The following MLLT10 variants were observed in gnomAD, a reference collection of about 807,000 sequenced individuals.
The protein encoded by MLLT10 is protein AF-10.
Under a neutral mutation model 129.1 loss-of-function variants are expected in MLLT10, and 30 were observed. The ratio of observed to expected loss-of-function variants is 0.23; its 90% CI spans 0.17 to 0.32. The LOEUF is 0.32. Among genes scored for constraint, MLLT10 ranks in the 10% least tolerant of loss-of-function variants. The pLI is 1.00. For synonymous variants in MLLT10, 490 were observed against 446.4 expected, an observed-to-expected ratio of 1.10 and a Z score of -1.23; for missense variants, 1,119 against 1,268.3, an observed-to-expected ratio of 0.88 and a Z score of 1.79.
At chr10:21,612,735 G>A (rs2044779888) in intron 6 of MLLT10, among the ~76,000 whole-genome samples, 1 of 152,112 alleles carries the variant, frequency 6.6e-6, no homozygotes, top group Non-Finnish European at 1.5e-5. Context: ...CCTTCGATTT[G>A]TTATTATGAT....
At chr10:21,731,675 TATC>T (rs1164847311) in intron 17 of MLLT10, among the ~76,000 whole-genome samples, 6 of 152,222 alleles carry the variant, frequency 3.9e-5, no homozygotes, top group Non-Finnish European at 8.8e-5. Context: ...ATATTATGCT[TATC>T]ATCTATTGGA....
chr10:21,679,589 A>G (rs1376748082), intron 11 of MLLT10, among the ~76,000 whole-genome samples: 1 of 152,202 alleles, frequency 6.6e-6, no homozygotes, highest in Non-Finnish European at 1.5e-5. Context: ...CTTAGGTTCC[A>G]GTAATGGAAC....
intron 11 of MLLT10, among the ~76,000 whole-genome samples, chr10:21,675,164 A>T (rs1351949793): frequency 6.6e-6 from 1 of 152,228 alleles, no homozygotes; most frequent in Non-Finnish European, 1.5e-5. Context: ...TTGAAAGGTG[A>T]AATAAGATAC....
chr10:21,537,730 A>G (rs571986906), intron 2 of MLLT10, among the ~76,000 whole-genome samples: 1 of 152,248 alleles, frequency 6.6e-6, no homozygotes, highest in Admixed American at 6.5e-5. Flanking sequence ...CGGCCTGCCA[A>G]AGTGCTGGGA....
intron 14 of MLLT10, among the ~76,000 whole-genome samples, chr10:21,725,746 A>G (rs1156554820): frequency 7.0e-6 from 1 of 143,268 alleles, no homozygotes; most frequent in Non-Finnish European, 1.5e-5. Flanking sequence ...AATTGTAGTT[A>G]CGTAACTTTT....
intron 9 of MLLT10, among the ~76,000 whole-genome samples, chr10:21,653,398 A>G (rs1043935663): frequency 2.0e-5 from 3 of 152,160 alleles, no homozygotes; most frequent in Non-Finnish European, 2.9e-5. Flanking sequence ...CTTGGCTTCT[A>G]GAGCCTCTTT....
intron 5 of MLLT10, among the ~76,000 whole-genome samples, chr10:21,597,860 T>C (rs1444465944): frequency 6.6e-6 from 1 of 152,074 alleles, no homozygotes; most frequent in Non-Finnish European, 1.5e-5. Flanking sequence ...TTCTGTGTTC[T>C]TTTTTTTGCA....
In MLLT10 at chr10:21,713,943, C is replaced by A. The variant is rs1238278589; in HGVS notation, c.1871C>A (p.Thr624Lys). ...AVSSAAPAVA[T>K]TQANTLSGSS... The stretch of plus-strand genomic sequence containing the variant: ...TCATCTGCAGCCCCTGCTGTTGCTA[C>A]AACTCAGGTAAGTTGTTACACTATC... Residue 624 changes from threonine to lysine, a missense_variant, in exon 14 of 23, where the codon ACA (threonine) becomes AAA (lysine). Transcript: ENST00000307729. The A allele has an allele frequency of 6.2e-7, 1 of 1,610,750 alleles. No homozygotes were observed. The highest frequency in any genetic ancestry group is 8.5e-7 in the Non-Finnish European group (1 of 1,178,480).
chr10:21,647,948 T>C (rs2048660295), intron 8 of MLLT10, among the ~76,000 whole-genome samples: 2 of 152,160 alleles, frequency 1.3e-5, no homozygotes, highest in Non-Finnish European at 2.9e-5. Context: ...TTAAAAATAC[T>C]TTCTAGCTGA....
chr10:21,685,377 C>T (rs1346982978), intron 13 of MLLT10, among the ~76,000 whole-genome samples: 1 of 152,160 alleles, frequency 6.6e-6, no homozygotes, highest in Non-Finnish European at 1.5e-5. Context: ...CTCTGTTGCA[C>T]AGGCTGGAAT....
chr10:21,579,592 C>T (rs546599077), intron 3 of MLLT10, among the ~76,000 whole-genome samples: 5 of 138,198 alleles, frequency 3.6e-5, no homozygotes, highest in Admixed American at 7.9e-5. Flanking sequence ...GGTGGAGTTT[C>T]GCTCTTGTTG....
At chr10:21,543,978 T>C (rs1463169988) in intron 3 of MLLT10, among the ~76,000 whole-genome samples, 1 of 152,242 alleles carries the variant, frequency 6.6e-6, no homozygotes, top group Non-Finnish European at 1.5e-5. Context: ...TTCTGCCGAC[T>C]TACTGTGCTA....
intron 8 of MLLT10, among the ~76,000 whole-genome samples, chr10:21,636,786 G>T (rs1292891096): frequency 6.6e-6 from 1 of 151,956 alleles, no homozygotes; most frequent in African/African-American, 2.4e-5. Flanking sequence ...TGAGTGTCAG[G>T]TGTGAGGTAG....
intron 3 of MLLT10, 59 bp downstream of exon 3, chr10:21,538,971 T>C: frequency 8.2e-7 from 1 of 1,215,132 alleles, no homozygotes; most frequent in South Asian, 1.3e-5. Flanking sequence ...AATTAGGAAC[T>C]GCACTCCTGT....
intron 3 of MLLT10, among the ~76,000 whole-genome samples, chr10:21,576,891 A>G (rs1301829459): frequency 6.6e-6 from 1 of 152,168 alleles, no homozygotes; most frequent in Admixed American, 6.6e-5. Context: ...TCGGCCTCCT[A>G]AAGTGCTGGG....
At chr10:21,585,424 A>G (rs1385250875) in intron 3 of MLLT10, among the ~76,000 whole-genome samples, 1 of 152,212 alleles carries the variant, frequency 6.6e-6, no homozygotes, top group Non-Finnish European at 1.5e-5. Context: ...AGAGGGATCC[A>G]CAATAAATTT....
At chr10:21,584,317 C>G (rs534352330) in intron 3 of MLLT10, among the ~76,000 whole-genome samples, 32 of 152,074 alleles carry the variant, frequency 2.1e-4, no homozygotes, top group African/African-American at 7.7e-4. Flanking sequence ...GCACGCACCA[C>G]CACATCCCGC....
At chr10:21,630,166 C>T (rs1360169905) in intron 8 of MLLT10, among the ~76,000 whole-genome samples, 1 of 151,904 alleles carries the variant, frequency 6.6e-6, no homozygotes, top group African/African-American at 2.4e-5. Context: ...ATTGGGTATA[C>T]AAATAAGGAG....
chr10:21,595,264 G>T, intron 4 of MLLT10, 67 bp from the exon 5 acceptor site: 1 of 1,173,238 alleles, frequency 8.5e-7, no homozygotes, highest in South Asian at 1.4e-5. Flanking sequence ...GATCTGTTAA[G>T]GAAGTTAACG....
Sources: gnomAD v4.1 joint callset for allele counts (sites outside exome capture counted in the v4.1 genomes callset) on GRCh38, gnomAD v4.1.1 for gene constraint, MANE v1.5 for transcripts, NCBI Gene and HGNC (gene_info 2026-07-23, HGNC 2026-07-21) for gene names.